SMAD5: variants seen among roughly 807,000 people sequenced by gnomAD.
The protein encoded by SMAD5 is MAD, mothers against decapentaplegic homolog 5.
SMAD5 carries 9 observed loss-of-function variants against 43.1 expected under a neutral mutation model. The ratio of observed to expected loss-of-function variants is 0.21; its 90% CI spans 0.13 to 0.36. SMAD5 has a LOEUF of 0.36. Among genes scored for constraint, SMAD5 ranks in the 10% least tolerant of loss-of-function variants. SMAD5 has a pLI of 1.00. For missense variants in SMAD5, 348 were observed against 574.0 expected (o/e 0.61, Z 4.02); for synonymous variants, 190 against 192.4 (o/e 0.99, Z 0.10).
At chr5:136,154,264 C>T (rs564255023) in intron 3 of SMAD5, 101 bp downstream of exon 3, 10 of 725,070 alleles carry the variant, frequency 1.4e-5, no homozygotes, top group Non-Finnish European at 1.9e-5. Context: ...GTTGTATTAG[C>T]TTTGTGTTTC....
rs1018988896 is a variant in SMAD5, at chr5:136,178,661, C to G, written c.*1181C>G. 6.6e-6 allele frequency: 1 copy of G among 152,196 alleles called. No homozygotes were observed. Among genetic ancestry groups the G allele is most frequent in the Non-Finnish European group, 1.5e-5 (1 of 68,054 alleles). The allele number at this position is 152,196 out of a possible 1,614,324, so 9.4% of individuals were successfully genotyped here. ...TGTATCAGCCTCCCTACGCAAGGAC[C>G]TATGCACTGGAGCCGTAGGAGGCTC... On this transcript the variant is annotated 3_prime_UTR_variant, in exon 8 of 8. Coordinates refer to ENST00000545279, the MANE Select transcript of SMAD5 (RefSeq NM_005903.7).
At chr5:136,153,176 T>C (rs1753523006) in intron 2 of SMAD5, among the ~76,000 whole-genome samples, 1 of 152,166 alleles carries the variant, frequency 6.6e-6, no homozygotes, top group Admixed American at 6.5e-5. Context: ...AAGAGCTGGA[T>C]TTCTTTTAAG....
At chr5:136,166,209 C>G (rs889874103) in intron 5 of SMAD5, among the ~76,000 whole-genome samples, 1 of 146,002 alleles carries the variant, frequency 6.8e-6, no homozygotes, top group East Asian at 2.0e-4. Flanking sequence ...AATTGTATAT[C>G]TTTATGGTGT....
At chr5:136,160,789 C>T in intron 3 of SMAD5, 67 bp from the exon 4 acceptor site, 1 of 1,515,654 alleles carries the variant, frequency 6.6e-7, no homozygotes, top group South Asian at 1.2e-5. Context: ...TTCTACCAAC[C>T]CCTTAGTGTG....
At chr5:136,141,098 G>GAGAGCTAAAGCTGAGACTTAAATAACGAT (rs1753065021) in intron 1 of SMAD5, among the ~76,000 whole-genome samples, 1 of 152,100 alleles carries the variant, frequency 6.6e-6, no homozygotes, top group African/African-American at 2.4e-5. Context: ...TATCTGGGAT[G>GAGAGCTAAAGCTGAGACTTAAATAACGAT]AGAGCTAAAG....
intron 5 of SMAD5, among the ~76,000 whole-genome samples, chr5:136,171,112 T>A (rs545589029): frequency 6.6e-6 from 1 of 152,300 alleles, no homozygotes; most frequent in East Asian, 1.9e-4. Context: ...GGAGGCATCT[T>A]TGCTTTGTTT....
In SMAD5 at chr5:136,153,944, C is replaced by T. The variant is rs1443859768; in HGVS notation, c.184C>T (p.Pro62Ser). ...GAAAGCCTTGAGCAGTCCAGGACAG[C>T]CGAGTAAATGTGTCACTATTCCCAG... Reference protein sequence around the residue: ...LEKALSSPGQPSKCVTIPRSL... With the variant: ...LEKALSSPGQSSKCVTIPRSL... The change falls in exon 3 of 8, where the codon CCG (proline) becomes TCG (serine). Residue 62 changes from proline to serine, a missense_variant. Around this residue, in one of 5 missense-constraint regions of SMAD5, gnomAD observed 39 missense variants for 78.5 expected, o/e 0.50. Transcript: ENST00000545279. 6.2e-7 allele frequency: 1 copy of T among 1,612,078 alleles called. No homozygotes were observed.
chr5:136,165,110 C>T (rs972085861), intron 5 of SMAD5, among the ~76,000 whole-genome samples: 5 of 151,956 alleles, frequency 3.3e-5, no homozygotes, highest in Admixed American at 6.6e-5. Flanking sequence ...GTTTTTCCCC[C>T]TATTTTTTTG....
chr5:136,163,538 A>C, intron 5 of SMAD5, 147 bp downstream of exon 5: 1 of 547,432 alleles, frequency 1.8e-6, no homozygotes. Flanking sequence ...ATTTTGGTAA[A>C]TACACCAAGT....
At chr5:136,151,143 A>C (rs530542910) in intron 2 of SMAD5, among the ~76,000 whole-genome samples, 6 of 152,038 alleles carry the variant, frequency 3.9e-5, no homozygotes, top group Non-Finnish European at 8.8e-5. Flanking sequence ...TTATTTGATA[A>C]ATGGACACTA....
intron 2 of SMAD5, among the ~76,000 whole-genome samples, chr5:136,148,646 C>G (rs1407260424): frequency 1.3e-5 from 2 of 151,710 alleles, no homozygotes; most frequent in African/African-American, 4.8e-5. Context: ...GAGTCTCTAA[C>G]CCAGGAGTCT....
At chr5:136,170,265 G>C (rs932066559) in intron 5 of SMAD5, among the ~76,000 whole-genome samples, 11 of 152,244 alleles carry the variant, frequency 7.2e-5, no homozygotes, top group African/African-American at 2.6e-4. Flanking sequence ...ATTTTGTGAA[G>C]AGTGTAAGGT....
At chr5:136,140,184 A>C (rs1753026905) in intron 1 of SMAD5, among the ~76,000 whole-genome samples, 1 of 151,890 alleles carries the variant, frequency 6.6e-6, no homozygotes, top group East Asian at 1.9e-4. Flanking sequence ...CACCACACCC[A>C]GCTAATTTTT....
chr5:136,140,886 G>C (rs1753058431), intron 1 of SMAD5, among the ~76,000 whole-genome samples: 1 of 151,668 alleles, frequency 6.6e-6, no homozygotes, highest in South Asian at 2.1e-4. Flanking sequence ...TATTCTTTTG[G>C]ATGAATGACT....
chr5:136,167,644 G>C (rs1322006237), intron 5 of SMAD5, among the ~76,000 whole-genome samples: 2 of 151,894 alleles, frequency 1.3e-5, no homozygotes, highest in Admixed American at 1.3e-4. Flanking sequence ...CGGGCTTGCT[G>C]GTGGGTGCTT....
rs1489280584 is a variant in SMAD5, at chr5:136,182,374, A to G, written c.*4894A>G. 6.6e-6 allele frequency: 1 copy of G among 152,046 alleles called. No individual in the cohort carries two copies. Among genetic ancestry groups the G allele is most frequent in the Non-Finnish European group, 1.5e-5 (1 of 67,986 alleles). 9.4% of individuals were successfully genotyped at this position (152,046 alleles called of 1,614,324 possible). A position where few individuals can be genotyped will look rare whatever the true frequency, so the allele number is the denominator to read the frequency against. On this transcript the variant is annotated 3_prime_UTR_variant, in exon 8 of 8. Coordinates refer to ENST00000545279, the MANE Select transcript of SMAD5 (RefSeq NM_005903.7). The stretch of plus-strand genomic sequence containing the variant: ...TAGGCAAGTGATTTTTTTTTTAAAT[A>G]TGGTTGGCGTAAGTTGTATTTTGAA...
At chr5:136,155,302 T>C (rs1753598818) in intron 3 of SMAD5, among the ~76,000 whole-genome samples, 1 of 152,224 alleles carries the variant, frequency 6.6e-6, no homozygotes, top group Admixed American at 6.5e-5. Flanking sequence ...CTTACTTAAA[T>C]CCTATATTTA....
intron 1 of SMAD5, among the ~76,000 whole-genome samples, chr5:136,146,531 C>T (rs532877973): frequency 5.9e-5 from 9 of 151,848 alleles, no homozygotes; most frequent in Admixed American, 2.6e-4. Flanking sequence ...TGCAGGTTCA[C>T]TTGTGGCTCA....
chr5:136,177,521 T>G lies in SMAD5; in HGVS notation c.*41T>G, dbSNP rs1411549074. 1 of 1,496,176 alleles carries G rather than the reference T, an allele frequency of 6.7e-7. No homozygotes were observed. The highest frequency in any genetic ancestry group is 1.2e-5 in the South Asian group (1 of 80,134). The allele number at this position is 1,496,176 out of a possible 1,614,324, so 92.7% of individuals were successfully genotyped here. A position where few individuals can be genotyped will look rare whatever the true frequency, so the allele number is the denominator to read the frequency against. On this transcript the variant is annotated 3_prime_UTR_variant, in exon 8 of 8. Transcript: ENST00000545279. ...TTCAATTATATTGTTAGTGGACTTG[T>G]TTTAATTTTAGAGAAACTTTGAGTA...
Sources: allele counts gnomAD v4.1 joint callset (sites outside exome capture counted in the v4.1 genomes callset), GRCh38; gene constraint gnomAD v4.1.1; regional missense constraint gnomAD v4.1.1; transcripts MANE v1.5; gene names NCBI Gene and HGNC (gene_info 2026-07-23, HGNC 2026-07-21).